MTCP1: variants seen among roughly 807,000 people sequenced by gnomAD.
The protein encoded by MTCP1 is mature T cell proliferation 1.
In MTCP1, 2 loss-of-function variants were observed where a neutral mutation model predicts 10.6. The ratio of observed to expected loss-of-function variants is 0.19; its 90% CI spans 0.08 to 0.59. MTCP1 has a LOEUF of 0.59. MTCP1 is among the 20% of genes least tolerant of loss of function. The probability of loss-of-function intolerance (pLI) is 0.90; values close to 1 mark genes in which losing one functional copy is unlikely to be tolerated. For synonymous variants in MTCP1, 29 were observed against 34.4 expected (o/e 0.84, Z 0.55); for missense variants, 33 against 91.5 (o/e 0.36, Z 2.61).
chrX:155,065,387 A>G lies in MTCP1; in HGVS notation c.*17T>C. The G allele has an allele frequency of 2.5e-6, 2 of 786,839 alleles. No homozygotes were observed. Among genetic ancestry groups the G allele is most frequent in the Non-Finnish European group, 3.8e-6 (2 of 520,505 alleles). The allele number at this position is 786,839 out of a possible 1,213,427, so 64.8% of individuals were successfully genotyped here. A position where few individuals can be genotyped will look rare whatever the true frequency, so the allele number is the denominator to read the frequency against. On this transcript the variant is annotated 3_prime_UTR_variant, in exon 5 of 5. Transcript: ENST00000369476. ...ACAGAACAAAGGAGCATATCTTCGT[A>G]GAATCCCAGCACCTGGAAAAAAAAA... is the stretch of plus-strand genomic sequence containing the variant.
chrX:155,067,116 C>A (rs782627429), intron 1 of MTCP1, among the ~76,000 whole-genome samples: 1 of 111,717 alleles, frequency 9.0e-6, no homozygotes, highest in East Asian at 2.8e-4. Context: ...CTGCTATTCT[C>A]ATTAGGTGGG....
At chrX:155,069,564 G>A (rs1356171611) in intron 1 of MTCP1, among the ~76,000 whole-genome samples, 1 of 112,420 alleles carries the variant, frequency 8.9e-6, no homozygotes, top group East Asian at 2.8e-4. Context: ...TAAAGGTGAG[G>A]AAAAGAAAGG....
intron 1 of MTCP1, among the ~76,000 whole-genome samples, chrX:155,069,163 G>T (rs782762229): frequency 9.5e-4 from 107 of 112,868 alleles, no homozygotes; most frequent in Non-Finnish European, 1.6e-3. Context: ...TTCCTTTACA[G>T]AATAAATTCT....
intron 1 of MTCP1, among the ~76,000 whole-genome samples, chrX:155,069,518 C>T (rs1483465817): frequency 2.7e-5 from 3 of 111,834 alleles, no homozygotes; most frequent in Admixed American, 1.9e-4. Flanking sequence ...CTTCATAGGG[C>T]GCTATGAGGT....
At chrX:155,067,914 A>G (rs1488918619) in intron 1 of MTCP1, among the ~76,000 whole-genome samples, 1 of 112,488 alleles carries the variant, frequency 8.9e-6, no homozygotes, top group Non-Finnish European at 1.9e-5. Context: ...GCCTCTGGCT[A>G]TATATAATTT....
At chrX:155,066,275 G>A (rs1018611486) in intron 1 of MTCP1, among the ~76,000 whole-genome samples, 1 of 112,571 alleles carries the variant, frequency 8.9e-6, no homozygotes, top group Non-Finnish European at 1.9e-5. Flanking sequence ...ACTGCAAAGC[G>A]CTCAAGAATT....
intron 3 of MTCP1, 31 bp from the exon 4 acceptor site, chrX:155,065,568 T>C: frequency 8.3e-7 from 1 of 1,208,892 alleles, no homozygotes; most frequent in East Asian, 3.0e-5. Context: ...TATGGAGTAC[T>C]CTGTTACGAG....
In MTCP1 at chrX:155,064,260, T is replaced by C. The variant is rs2124211725; in HGVS notation, c.*1144A>G. On this transcript the variant is annotated 3_prime_UTR_variant, in exon 5 of 5. Coordinates refer to ENST00000369476, the MANE Select transcript of MTCP1 (RefSeq NM_001018025.4). ...ATAGCTTTACATGGAAAAAAAACCTTGAATTCAATCAACTCTTTTTGAATA... is the reference window on the plus strand; with the variant it reads ...ATAGCTTTACATGGAAAAAAAACCTCGAATTCAATCAACTCTTTTTGAATA... 3.8e-6 allele frequency: 1 copy of C among 261,541 alleles called. No individual in the cohort carries two copies. The highest frequency in any genetic ancestry group is 1.7e-4 in the South Asian group (1 of 5,905). The allele number at this position is 261,541 out of a possible 1,213,427, so 21.6% of individuals were successfully genotyped here.
intron 1 of MTCP1, among the ~76,000 whole-genome samples, chrX:155,068,204 G>T (rs1385873472): frequency 8.9e-6 from 1 of 112,140 alleles, no homozygotes; most frequent in African/African-American, 3.2e-5. Context: ...TGTTTTGAAT[G>T]GAAAACAAAA....
intron 1 of MTCP1, 102 bp downstream of exon 1, chrX:155,070,592 A>G (rs2073969458): frequency 8.9e-6 from 1 of 112,847 alleles, no homozygotes; most frequent in African/African-American, 3.2e-5. Flanking sequence ...GTATCCAACA[A>G]ATAGCTACCT....
rs185409702 is a variant in MTCP1 at position 155,066,590 on chromosome X, C to T, written c.-47-533G>A. Among the ~76,000 whole-genome samples, 6 of 112,063 alleles carry T rather than the reference C, an allele frequency of 5.4e-5. No individual in the cohort carries two copies. In the East Asian group the frequency reaches 1.7e-3, roughly 31 times the overall value. ...AAAGTTTGTTTTAAGGGCAAATGATCTATTTATCAGTTTACTAAGAAAGTT... is the reference window on the plus strand; with the variant it reads ...AAAGTTTGTTTTAAGGGCAAATGATTTATTTATCAGTTTACTAAGAAAGTT... On this transcript the variant is annotated intron_variant, in intron 1 of 4. Coordinates refer to ENST00000369476, the MANE Select transcript of MTCP1 (RefSeq NM_001018025.4).
chrX:155,064,689 G>C lies in MTCP1; in HGVS notation c.*715C>G, dbSNP rs1191565247. The C allele has an allele frequency of 8.9e-6, 1 of 111,996 alleles. No individual in the cohort carries two copies. Among genetic ancestry groups the C allele is most frequent in the Non-Finnish European group, 1.9e-5 (1 of 53,214 alleles). 9.2% of individuals were successfully genotyped at this position (111,996 alleles called of 1,213,427 possible). A position where few individuals can be genotyped will look rare whatever the true frequency, so the allele number is the denominator to read the frequency against. ...TTAAGCAGCTAAAATGGTTTTTCTT[G>C]AAGTTCTTATAGAAACCAGCTTATT... On this transcript the variant is annotated 3_prime_UTR_variant, in exon 5 of 5. Coordinates refer to ENST00000369476, the MANE Select transcript of MTCP1 (RefSeq NM_001018025.4).
chrX:155,066,362 T>C (rs2073948278), intron 1 of MTCP1, among the ~76,000 whole-genome samples: 1 of 112,259 alleles, frequency 8.9e-6, no homozygotes, highest in Admixed American at 9.4e-5. Flanking sequence ...ACATACTGCA[T>C]TCACAAGCAG....
chrX:155,064,072 A>C lies in MTCP1; in HGVS notation c.*1332T>G. Reference sequence around the variant, plus strand: ...AATGATTTTTATTTTTCTTTTTTCCATAAAGACTTTAAAGCCCCTCTACGT... The same window carrying C: ...AATGATTTTTATTTTTCTTTTTTCCCTAAAGACTTTAAAGCCCCTCTACGT... On this transcript the variant is annotated 3_prime_UTR_variant, in exon 5 of 5. Coordinates refer to ENST00000369476, the MANE Select transcript of MTCP1 (RefSeq NM_001018025.4). 1.8e-6 allele frequency: 2 copies of C among 1,104,043 alleles called. No individual in the cohort carries two copies. Among genetic ancestry groups the C allele is most frequent in the Non-Finnish European group, 2.4e-6 (2 of 819,723 alleles). The allele number at this position is 1,104,043 out of a possible 1,213,427, so 91.0% of individuals were successfully genotyped here.
chrX:155,067,793 A>G lies in MTCP1; in HGVS notation c.-47-1736T>C, dbSNP rs782802099. 4.0e-4 allele frequency among the ~76,000 whole-genome samples: 45 copies of G among 112,531 alleles called. 1 individual carries two copies. The highest frequency in any genetic ancestry group is 1.4e-3 in the African/African-American group (42 of 30,969). ...TCAGGTACTGGTCAAGCAATGTTTC[A>G]GTGAACAGGTGTATATGTATGGTGG... On this transcript the variant is annotated intron_variant, in intron 1 of 4. Transcript: ENST00000369476.
intron 1 of MTCP1, 79 bp downstream of exon 1, chrX:155,070,615 A>G (rs1285872193): frequency 9.8e-5 from 11 of 112,793 alleles, no homozygotes; most frequent in Non-Finnish European, 1.7e-4. Flanking sequence ...AAGCCTTTGT[A>G]GAAAGTAGCA....
chrX:155,068,228 A>G (rs1444253163), intron 1 of MTCP1, among the ~76,000 whole-genome samples: 1 of 112,416 alleles, frequency 8.9e-6, no homozygotes, highest in African/African-American at 3.2e-5. Context: ...CATTGGTTAT[A>G]TTGACATTAA....
At position 155,064,101 on chromosome X, in the gene MTCP1, A is replaced by G; in HGVS notation, c.*1303T>C. Reference sequence around the variant, plus strand: ...AGACTTTAAAGCCCCTCTACGTGGAATTTTCTTCTGAGACAAGCAGTATAT... The same window carrying G: ...AGACTTTAAAGCCCCTCTACGTGGAGTTTTCTTCTGAGACAAGCAGTATAT... On this transcript the variant is annotated 3_prime_UTR_variant, in exon 5 of 5. Transcript: ENST00000369476. 1.1e-6 allele frequency: 1 copy of G among 892,504 alleles called. No individual in the cohort carries two copies. The highest frequency in any genetic ancestry group is 1.6e-6 in the Non-Finnish European group (1 of 638,487). 73.6% of individuals were successfully genotyped at this position (892,504 alleles called of 1,213,427 possible). A position where few individuals can be genotyped will look rare whatever the true frequency, so the allele number is the denominator to read the frequency against.
chrX:155,067,765 G>C (rs1482872564), intron 1 of MTCP1, among the ~76,000 whole-genome samples: 5 of 112,466 alleles, frequency 4.4e-5, no homozygotes, highest in Non-Finnish European at 9.4e-5. Flanking sequence ...GGCACCCCAA[G>C]TCTCAGGTAC....
Sources: allele counts gnomAD v4.1 joint callset (sites outside exome capture counted in the v4.1 genomes callset), GRCh38; gene constraint gnomAD v4.1.1; transcripts MANE v1.5; gene names NCBI Gene and HGNC (gene_info 2026-07-23, HGNC 2026-07-21).